Variants in SMG1 observed in about 807,000 individuals in gnomAD.
SMG1 encodes the protein SMG1 nonsense mediated mRNA decay associated PI3K related kinase, also known as serine/threonine-protein kinase SMG1.
SMG1 carries 22 observed loss-of-function variants against 419.9 expected under a neutral mutation model. The ratio of observed to expected loss-of-function variants is 0.05; its 90% CI spans 0.04 to 0.07. The LOEUF (loss-of-function observed/expected upper bound fraction) is 0.07. Among genes scored for constraint, SMG1 ranks in the 10% least tolerant of loss-of-function variants. The probability of loss-of-function intolerance (pLI) is 1.00; values close to 1 mark genes in which losing one functional copy is unlikely to be tolerated. For synonymous variants in SMG1, 1,538 were observed against 1,553.5 expected (o/e 0.99, Z 0.23); for missense variants, 3,185 against 4,342.0 (o/e 0.73, Z 7.49).
chr16:18,816,862 C>A (rs1368084267), intron 57 of SMG1, among the ~76,000 whole-genome samples: 1 of 152,178 alleles, frequency 6.6e-6, no homozygotes, highest in Non-Finnish European at 1.5e-5. Flanking sequence ...AACTTCCTAA[C>A]ATACAGCTTT....
Position 18,859,664 on chromosome 16 carries a change from G to A in SMG1, c.3845C>T (p.Pro1282Leu), listed in dbSNP as rs763210041. ...TTCAATGGATTTCTGAAGTTCCCTC[G>A]GATCCGGACTTAACATGTTAGGAAG... ...KLLPNMLSPD[P>L]RELQKSIEVQ... The change falls in exon 27 of 63, where the codon CCG (proline) becomes CTG (leucine). Residue 1282 changes from proline to leucine, a missense_variant. By Grantham distance (98) the Pro-to-Leu change is moderately conservative. Transcript: ENST00000446231. The A allele has an allele frequency of 1.9e-5, 30 of 1,612,070 alleles. No individual in the cohort carries two copies. The highest frequency in any genetic ancestry group is 1.7e-4 in the Admixed American group (10 of 59,708).
intron 39 of SMG1, among the ~76,000 whole-genome samples, chr16:18,844,645 T>C (rs2034154131): frequency 6.7e-6 from 1 of 149,604 alleles, no homozygotes; most frequent in South Asian, 2.1e-4. Flanking sequence ...GTTTTCTTTC[T>C]TGTACTTCTA....
chr16:18,875,518 G>A (rs1032986612), intron 13 of SMG1: 1 of 152,718 alleles, frequency 6.5e-6, no homozygotes, highest in African/African-American at 2.4e-5. Flanking sequence ...TTGTACCCGG[G>A]AGGCGGAGGT....
intron 51 of SMG1, among the ~76,000 whole-genome samples, chr16:18,832,463 G>A (rs1458153655): frequency 6.6e-6 from 1 of 152,134 alleles, no homozygotes; most frequent in Non-Finnish European, 1.5e-5. Flanking sequence ...TGTTTCAGGT[G>A]TCTCCAAGGG....
At chr16:18,867,367 C>T (rs1438392833) in intron 22 of SMG1, among the ~76,000 whole-genome samples, 2 of 151,898 alleles carry the variant, frequency 1.3e-5, no homozygotes, top group Admixed American at 6.6e-5. Flanking sequence ...AACCCTGTCT[C>T]TACTAAAAAT....
chr16:18,923,709 C>CA (rs34895437), intron 1 of SMG1, among the ~76,000 whole-genome samples: 7 of 150,360 alleles, frequency 4.7e-5, no homozygotes, highest in Admixed American at 6.6e-5. Context: ...ACATAAGAGG[C>CA]AAAAAAAAAT....
At chr16:18,853,938 G>C (rs1411375980) in intron 30 of SMG1, 71 bp from the exon 31 acceptor site, 1 of 1,381,484 alleles carries the variant, frequency 7.2e-7, no homozygotes, top group African/African-American at 1.4e-5. Flanking sequence ...CTTGGATTAG[G>C]AAACAAATAT....
In SMG1 at chr16:18,926,114, G is replaced by C; in HGVS notation, c.-73C>G. The C allele has an allele frequency of 7.4e-7, 1 of 1,360,238 alleles. No homozygotes were observed. Among genetic ancestry groups the C allele is most frequent in the South Asian group, 1.4e-5 (1 of 73,458 alleles). 84.3% of individuals were successfully genotyped at this position (1,360,238 alleles called of 1,614,324 possible). A position where few individuals can be genotyped will look rare whatever the true frequency, so the allele number is the denominator to read the frequency against. ...CGAGTCGCCGCCCGAACCGGCCGCCGCCGACACCCCGCTCCGGCCCGGGGC... is the reference window on the plus strand; with the variant it reads ...CGAGTCGCCGCCCGAACCGGCCGCCCCCGACACCCCGCTCCGGCCCGGGGC... On this transcript the variant is annotated 5_prime_UTR_variant, in exon 1 of 63. Transcript: ENST00000446231.
intron 10 of SMG1, among the ~76,000 whole-genome samples, chr16:18,880,030 T>C (rs546196214): frequency 9.8e-5 from 15 of 152,340 alleles, no homozygotes; most frequent in African/African-American, 2.9e-4. Context: ...ATCTTTATCA[T>C]GAAATACACC....
intron 1 of SMG1, among the ~76,000 whole-genome samples, chr16:18,906,235 G>C (rs1596640198): frequency 6.6e-6 from 1 of 152,190 alleles, no homozygotes; most frequent in East Asian, 1.9e-4. Flanking sequence ...TGTAATCCCT[G>C]CACTTTAGGA....
At chr16:18,922,234 G>A (rs1287692626) in intron 1 of SMG1, among the ~76,000 whole-genome samples, 2 of 152,144 alleles carry the variant, frequency 1.3e-5, no homozygotes, top group African/African-American at 4.8e-5. Context: ...CCAAACTAAG[G>A]TGGAAAAAAT....
At chr16:18,922,120 ATCAG>A (rs1260122830) in intron 1 of SMG1, among the ~76,000 whole-genome samples, 4 of 152,360 alleles carry the variant, frequency 2.6e-5, no homozygotes, top group Non-Finnish European at 4.4e-5. Flanking sequence ...TGTCAAATTA[ATCAG>A]TCACTTTAGA....
chr16:18,907,902 T>C (rs1302676599), intron 1 of SMG1, among the ~76,000 whole-genome samples: 1 of 149,052 alleles, frequency 6.7e-6, no homozygotes, highest in African/African-American at 2.5e-5. Context: ...TTGCATCACT[T>C]ATCTTCCCCT....
intron 6 of SMG1, among the ~76,000 whole-genome samples, chr16:18,888,098 G>A (rs1250721913): frequency 2.2e-5 from 3 of 137,074 alleles, no homozygotes; most frequent in Non-Finnish European, 4.6e-5. Context: ...CTGGGAGGCA[G>A]AAGTTGCAGT....
At chr16:18,859,333 G>A (rs2035088229) in intron 27 of SMG1, 152 bp from the exon 28 acceptor site, 1 of 654,816 alleles carries the variant, frequency 1.5e-6, no homozygotes, top group Admixed American at 3.0e-5. Context: ...ATATTAGCAA[G>A]TCAAGACATT....
intron 30 of SMG1, 148 bp from the exon 31 acceptor site, chr16:18,854,015 A>C (rs2034755366): frequency 1.5e-6 from 1 of 676,506 alleles, no homozygotes; most frequent in Non-Finnish European, 2.4e-6. Context: ...GGAGGCTCCT[A>C]CTGTCTTAGC....
intron 1 of SMG1, among the ~76,000 whole-genome samples, chr16:18,915,665 A>C (rs1357637828): frequency 1.3e-5 from 2 of 152,160 alleles, no homozygotes; most frequent in Non-Finnish European, 2.9e-5. Flanking sequence ...AAGGATATGA[A>C]AAAAACGTGG....
intron 1 of SMG1, among the ~76,000 whole-genome samples, chr16:18,902,509 C>A (rs971102610): frequency 3.3e-5 from 5 of 152,056 alleles, no homozygotes; most frequent in Admixed American, 2.0e-4. Flanking sequence ...TTGAGACCAG[C>A]CTGGCAATAT....
chr16:18,872,564 T>C lies in SMG1; in HGVS notation c.1951A>G (p.Ser651Gly), dbSNP rs773191033. The change falls in exon 14 of 63, where the codon AGT becomes GGT. Residue 651 changes from serine to glycine, a missense_variant. Transcript: ENST00000446231. ...GCAGGGAAGTGAACAGCCAGGTCAC[T>C]GTGCACAATCATCAGATTCTTACTC... ...LLSKNLMIVHSDLAVHFPAIQ... is the reference protein window; with the variant it reads ...LLSKNLMIVHGDLAVHFPAIQ... The C allele has an allele frequency of 6.7e-6, 10 of 1,496,008 alleles. No homozygotes were observed. The highest frequency in any genetic ancestry group is 9.0e-6 in the Non-Finnish European group (10 of 1,111,660). 92.7% of individuals were successfully genotyped at this position (1,496,008 alleles called of 1,614,324 possible).
Sources: allele counts gnomAD v4.1 joint callset (sites outside exome capture counted in the v4.1 genomes callset), GRCh38; gene constraint gnomAD v4.1.1; transcripts MANE v1.5; gene names NCBI Gene and HGNC (gene_info 2026-07-23, HGNC 2026-07-21).